SLC20A1: variants seen among roughly 807,000 people sequenced by gnomAD.
SLC20A1 encodes the protein sodium-dependent phosphate transporter 1.
Under a neutral mutation model 62.7 loss-of-function variants are expected in SLC20A1, and 28 were observed. That is an observed-to-expected ratio of 0.45 (90% CI 0.33 to 0.61). The LOEUF is 0.61. Among genes scored for constraint, SLC20A1 ranks in the 20% least tolerant of loss-of-function variants. The pLI is 0.02. For missense variants in SLC20A1, 673 were observed against 838.6 expected, an observed-to-expected ratio of 0.80 and a Z score of 2.44; for synonymous variants, 305 against 302.9, an observed-to-expected ratio of 1.01 and a Z score of -0.07.
At position 112,659,422 on chromosome 2, in the gene SLC20A1, A is replaced by G. The variant is rs761275979; in HGVS notation, c.1267A>G (p.Met423Val). 1.9e-6 allele frequency: 3 copies of G among 1,614,212 alleles called. No homozygotes were observed. The South Asian group carries it at 3.3e-5, about 18-fold the overall frequency. The change falls in exon 8 of 11, where the codon ATG becomes GTG. Residue 423 changes from methionine (M) to valine (V), a missense_variant. By Grantham distance (21) the Met-to-Val change is conservative (BLOSUM62 1). Coordinates refer to ENST00000272542, the MANE Select transcript of SLC20A1 (RefSeq NM_005415.5). Reference sequence around the variant, plus strand: ...CAATAATAGCTATACTTCCTATACCATGGCAATATGTGGCATGCCTCTGGA... The same window carrying G: ...CAATAATAGCTATACTTCCTATACCGTGGCAATATGTGGCATGCCTCTGGA... ...RRNNSYTSYTMAICGMPLDSF... is the reference protein window; with the variant it reads ...RRNNSYTSYTVAICGMPLDSF...
intron 5 of SLC20A1, among the ~76,000 whole-genome samples, chr2:112,656,114 C>G (rs1686577214): frequency 6.6e-6 from 1 of 151,202 alleles, no homozygotes. Flanking sequence ...AACAGTGTTG[C>G]TAGGCAAGTC....
chr2:112,647,464 G>A lies in SLC20A1; in HGVS notation c.475G>A (p.Val159Met), dbSNP rs1686313437. Reference protein sequence around the residue: ...GVKWSELIKIVMSWFVSPLLS... With the variant: ...GVKWSELIKIMMSWFVSPLLS... ...CAAGTGGTCTGAACTGATAAAAATTGGTATGTTTAATTCCAAACGGCTTCT... is the reference window on the plus strand; with the variant it reads ...CAAGTGGTCTGAACTGATAAAAATTAGTATGTTTAATTCCAAACGGCTTCT... The change falls in exon 3 of 11, where the codon GTG becomes ATG. Residue 159 changes from valine (V) to methionine (M), a missense_variant and splice_region_variant. Physicochemically the swap from Val to Met is conservative, Grantham distance 21. Coordinates refer to ENST00000272542, the MANE Select transcript of SLC20A1 (RefSeq NM_005415.5). 1 of 1,608,630 alleles carries A rather than the reference G, an allele frequency of 6.2e-7. No homozygotes were observed. The highest frequency in any genetic ancestry group is 8.5e-7 in the Non-Finnish European group (1 of 1,178,608).
At chr2:112,656,996 C>T in intron 5 of SLC20A1, 126 bp from the exon 6 acceptor site, 1 of 1,097,356 alleles carries the variant, frequency 9.1e-7, no homozygotes, top group Non-Finnish European at 1.4e-6. Flanking sequence ...GCACTTAAAT[C>T]TGGCAGCAGC....
At position 112,659,630 on chromosome 2, in the gene SLC20A1, AC is replaced by A. The variant is rs1207398185; in HGVS notation, c.1476del (p.Asp492GlufsTer9). 1.2e-6 allele frequency: 2 copies of A among 1,614,226 alleles called. No individual in the cohort carries two copies. Among genetic ancestry groups the A allele is most frequent in the Non-Finnish European group, 1.7e-6 (2 of 1,180,032 alleles). On this transcript the variant is annotated frameshift_variant, in exon 8 of 11. Transcript: ENST00000272542. LOFTEE classifies it high-confidence loss of function. ...MSVKAEMGLG[D>X]RKGSNGSLEE... ...GTCAAGGCAGAGATGGGTCTAGGTGACAGAAAAGGAAGTAATGGCTCTCTAG... is the reference window on the plus strand; with the variant it reads ...GTCAAGGCAGAGATGGGTCTAGGTGAAGAAAAGGAAGTAATGGCTCTCTAG...
rs765201259 is a variant in SLC20A1 at position 112,657,062 on chromosome 2, C to T, written c.659-60C>T. 25 of 1,608,378 alleles carry T rather than the reference C, an allele frequency of 1.6e-5. No individual in the cohort carries two copies. The Admixed American group carries it at 3.3e-4, about 21-fold the overall frequency. On this transcript the variant is annotated intron_variant, in intron 5 of 10. Transcript: ENST00000272542. ...CCCTCAGTCCCCAGAGGAGGGTTTA[C>T]ACAATATTGCAGGGGGCTGTTGCCC...
At chr2:112,647,218 G>A (rs1353550991) in intron 2 of SLC20A1, 56 bp downstream of exon 2, 2 of 1,584,248 alleles carry the variant, frequency 1.3e-6, no homozygotes, top group Non-Finnish European at 1.7e-6. Flanking sequence ...TTTGTATCAT[G>A]GGTGGTTCCA....
At position 112,661,174 on chromosome 2, in the gene SLC20A1, C is replaced by T; in HGVS notation, c.1826C>T (p.Thr609Ile). ...AGTATTGAACTGGCATCTGCCCTCA[C>T]TGTGGTGATTGCATCAAATATTGGC... ...GFSIELASAL[T>I]VVIASNIGLP... Residue 609 changes from threonine to isoleucine, a missense_variant, in exon 10 of 11, where the codon ACT becomes ATT. Thr to Ile is a moderately conservative substitution (Grantham distance 89). Transcript: ENST00000272542. 6 of 1,614,094 alleles carry T rather than the reference C, an allele frequency of 3.7e-6. No individual in the cohort carries two copies. The highest frequency in any genetic ancestry group is 5.1e-6 in the Non-Finnish European group (6 of 1,179,938).
At chr2:112,650,762 T>C (rs1686412654) in intron 4 of SLC20A1, among the ~76,000 whole-genome samples, 1 of 152,196 alleles carries the variant, frequency 6.6e-6, no homozygotes, top group Non-Finnish European at 1.5e-5. Context: ...TAGCTGGGAC[T>C]ATGGGTGTGT....
At position 112,659,793 on chromosome 2, in the gene SLC20A1, C is replaced by T. The variant is rs755422496; in HGVS notation, c.1607+31C>T. 4 of 1,570,930 alleles carry T rather than the reference C, an allele frequency of 2.5e-6. No individual in the cohort carries two copies. In the South Asian group the frequency reaches 3.5e-5, roughly 14 times the overall value. On this transcript the variant is annotated intron_variant, in intron 8 of 10. Transcript: ENST00000272542. ...TTGACATTGATCTTAGTGTTGCTAA[C>T]CCTATTTTTAAACCATTTATCCTTG...
At chr2:112,652,873 C>A in intron 5 of SLC20A1, 75 bp downstream of exon 5, 1 of 1,613,146 alleles carries the variant, frequency 6.2e-7, no homozygotes, top group Middle Eastern at 1.7e-4. Flanking sequence ...CCAATTTACC[C>A]CTTTTTGCTT....
chr2:112,659,676 T>A lies in SLC20A1; in HGVS notation c.1521T>A (p.Asp507Glu). 2 of 1,614,250 alleles carry A rather than the reference T, an allele frequency of 1.2e-6. No homozygotes were observed. The highest frequency in any genetic ancestry group is 1.7e-6 in the Non-Finnish European group (2 of 1,180,036). Residue 507 changes from aspartate to glutamate, a missense_variant, in exon 8 of 11, where the codon GAT becomes GAA. Transcript: ENST00000272542. ...NGSLEEWYDQ[D>E]KPEVSLLFQF... Reference sequence around the variant, plus strand: ...CTCTAGAAGAATGGTATGACCAGGATAAGCCTGAAGTCTCTCTCCTCTTCC... The same window carrying A: ...CTCTAGAAGAATGGTATGACCAGGAAAAGCCTGAAGTCTCTCTCCTCTTCC...
In SLC20A1 at chr2:112,659,440, C is replaced by T. The variant is rs1367898949; in HGVS notation, c.1285C>T (p.Pro429Ser). 1 of 1,614,182 alleles carries T rather than the reference C, an allele frequency of 6.2e-7. No individual in the cohort carries two copies. The highest frequency in any genetic ancestry group is 1.7e-5 in the Admixed American group (1 of 60,024). Residue 429 changes from proline (P) to serine (S), a missense_variant, in exon 8 of 11, where the codon CCT becomes TCT. Physicochemically the swap from Pro to Ser is moderately conservative, Grantham distance 74 (BLOSUM62 -1). Coordinates refer to ENST00000272542, the MANE Select transcript of SLC20A1 (RefSeq NM_005415.5). ...TSYTMAICGM[P>S]LDSFRAKEGE... The stretch of plus-strand genomic sequence containing the variant: ...CTATACCATGGCAATATGTGGCATG[C>T]CTCTGGATTCATTCCGTGCCAAAGA...
At chr2:112,652,300 G>A (rs974524496) in intron 4 of SLC20A1, 35 of 179,152 alleles carry the variant, frequency 2.0e-4, no homozygotes, top group Non-Finnish European at 3.1e-4. Flanking sequence ...AGTCTTTGAA[G>A]ATATGAAGTC....
At chr2:112,648,802 T>A (rs1483379708) in intron 4 of SLC20A1, among the ~76,000 whole-genome samples, 1 of 152,260 alleles carries the variant, frequency 6.6e-6, no homozygotes, top group Non-Finnish European at 1.5e-5. Context: ...TGGTACTGTT[T>A]TATTCAGCAG....
At chr2:112,648,800 T>G (rs1438269508) in intron 4 of SLC20A1, among the ~76,000 whole-genome samples, 1 of 152,248 alleles carries the variant, frequency 6.6e-6, no homozygotes, top group Non-Finnish European at 1.5e-5. Context: ...TTTGGTACTG[T>G]TTTATTCAGC....
intron 4 of SLC20A1, chr2:112,651,914 G>A (rs1686452146): frequency 6.6e-6 from 1 of 152,196 alleles, no homozygotes; most frequent in Non-Finnish European, 1.5e-5. Flanking sequence ...TGTACCCATA[G>A]TTAATGTACA....
At chr2:112,647,860 C>T in intron 4 of SLC20A1, 122 bp downstream of exon 4, 3 of 777,260 alleles carry the variant, frequency 3.9e-6, no homozygotes, top group Non-Finnish European at 6.6e-6. Flanking sequence ...TTTTAAAAAG[C>T]TCTTTGTTCT....
At chr2:112,649,852 C>G (rs1304546028) in intron 4 of SLC20A1, among the ~76,000 whole-genome samples, 2 of 152,142 alleles carry the variant, frequency 1.3e-5, no homozygotes. Flanking sequence ...GTGAACTATT[C>G]TGGTGAAGAT....
chr2:112,646,940 T>G lies in SLC20A1; in HGVS notation c.112T>G (p.Ser38Ala). 6.2e-7 allele frequency: 1 copy of G among 1,614,098 alleles called. No individual in the cohort carries two copies. The highest frequency in any genetic ancestry group is 8.5e-7 in the Non-Finnish European group (1 of 1,180,026). The change falls in exon 2 of 11, where the codon TCC becomes GCC. Residue 38 changes from serine (S) to alanine (A), a missense_variant. Physicochemically the swap from Ser to Ala is moderately conservative, Grantham distance 99 (BLOSUM62 1). Coordinates refer to ENST00000272542, the MANE Select transcript of SLC20A1 (RefSeq NM_005415.5). The stretch of plus-strand genomic sequence containing the variant: ...CATTATTGCATTTGTCTTGGCATTC[T>G]CCGTGGGAGCCAATGATGTAGCAAA... ...GFIIAFVLAF[S>A]VGANDVANSF...
Sources: allele counts gnomAD v4.1 joint callset (sites outside exome capture counted in the v4.1 genomes callset), GRCh38; gene constraint gnomAD v4.1.1; transcripts MANE v1.5; gene names NCBI Gene and HGNC (gene_info 2026-07-23, HGNC 2026-07-21).